Variants in ZNF236 observed in about 807,000 individuals in gnomAD.
ZNF236 encodes zinc finger protein 236.
A neutral mutation model predicts 191.2 loss-of-function variants in ZNF236; 50 were observed. The observed-to-expected ratio is 0.26, with a 90% CI of 0.21 to 0.33. ZNF236 has a LOEUF of 0.33. Ranked by LOEUF, ZNF236 falls within the 10% of genes least tolerant of loss-of-function variation. The pLI, the probability that ZNF236 is intolerant of heterozygous loss-of-function variation, is 1.00. For synonymous variants in ZNF236, 907 were observed against 928.8 expected (o/e 0.98, Z 0.43); for missense variants, 1,754 against 2,374.5 (o/e 0.74, Z 5.43).
intron 9 of ZNF236, among the ~76,000 whole-genome samples, chr18:76,893,533 G>A (rs1480264456): frequency 6.6e-6 from 1 of 151,256 alleles, no homozygotes; most frequent in Non-Finnish European, 1.5e-5. Flanking sequence ...TTTGAGACAG[G>A]GTCTGGCTCT....
Position 76,875,355 on chromosome 18 carries a change from T to C in ZNF236, c.668-137T>C, listed in dbSNP as rs1976683805. 1.4e-6 allele frequency: 1 copy of C among 709,698 alleles called. No individual in the cohort carries two copies. Among genetic ancestry groups the C allele is most frequent in the Non-Finnish European group, 2.1e-6 (1 of 484,512 alleles). 44.0% of individuals were successfully genotyped at this position (709,698 alleles called of 1,614,324 possible). ...TTTTGAGATTTAAAGTAGACACTTG[T>C]ATATATGCATCTAGAGTTCTGGGGA... On this transcript the variant is annotated intron_variant, in intron 5 of 30. Transcript: ENST00000320610. This position sits in a 1 kb window ranked among gnomAD's most constrained non-coding sequence, Gnocchi z 4.3.
At chr18:76,961,370 TGTG>T (rs1968663296) in intron 30 of ZNF236, among the ~76,000 whole-genome samples, 2 of 2,360 alleles carry the variant, frequency 8.5e-4, no homozygotes, top group African/African-American at 1.9e-3. Context: ...TATTCCATTG[TGTG>T]TGTGTGTGTG....
intron 27 of ZNF236, among the ~76,000 whole-genome samples, chr18:76,954,075 A>G (rs1255702739): frequency 3.3e-5 from 5 of 152,230 alleles, no homozygotes. Flanking sequence ...CCTTTGGGCA[A>G]GTATGATTTT....
chr18:76,959,600 G>A (rs1968610776), intron 28 of ZNF236, 87 bp from the exon 29 acceptor site: 1 of 1,478,700 alleles, frequency 6.8e-7, no homozygotes, highest in Non-Finnish European at 9.0e-7. Flanking sequence ...CCACTGACTT[G>A]AACTTTGCAG....
chr18:76,868,184 G>A (rs1345328934), intron 3 of ZNF236, among the ~76,000 whole-genome samples: 3 of 152,150 alleles, frequency 2.0e-5, no homozygotes, highest in Admixed American at 2.0e-4. Context: ...AGTCAGCCGG[G>A]CCACAGCCTG....
chr18:76,829,550 C>G (rs1257770039), intron 1 of ZNF236, among the ~76,000 whole-genome samples: 2 of 152,130 alleles, frequency 1.3e-5, no homozygotes, highest in Admixed American at 6.6e-5. Context: ...CTGGTCTCAA[C>G]TTCCTGGACT....
At chr18:76,838,740 G>A (rs1164324311) in intron 1 of ZNF236, among the ~76,000 whole-genome samples, 3 of 152,146 alleles carry the variant, frequency 2.0e-5, no homozygotes, top group Admixed American at 6.5e-5. Context: ...AAACTATATT[G>A]ATATATAACA....
In ZNF236 at chr18:76,858,196, TATATC is replaced by T. The variant is rs1332038882; in HGVS notation, c.363+6260_363+6264del. ...GCAGTTTTTAAAAAAAAATCACCCTTATATCATTTATTCGTTTTCATAGTATGTAG... is the reference window on the plus strand; with the variant it reads ...GCAGTTTTTAAAAAAAAATCACCCTTATTTATTCGTTTTCATAGTATGTAG... On this transcript the variant is annotated intron_variant, in intron 3 of 30. Transcript: ENST00000320610. Among the ~76,000 whole-genome samples, 9 of 151,970 alleles carry T rather than the reference TATATC, an allele frequency of 5.9e-5. No homozygotes were observed. In the East Asian group the frequency reaches 1.7e-3, roughly 29 times the overall value.
intron 21 of ZNF236, among the ~76,000 whole-genome samples, chr18:76,924,982 A>G (rs1184888843): frequency 2.0e-5 from 3 of 152,248 alleles, no homozygotes; most frequent in African/African-American, 7.2e-5. Context: ...TGCTAAATTC[A>G]AATTGTAAAC....
chr18:76,927,261 C>G lies in ZNF236; in HGVS notation c.4174-16C>G, dbSNP rs750341600. 2 of 1,613,758 alleles carry G rather than the reference C, an allele frequency of 1.2e-6. No individual in the cohort carries two copies. The highest frequency in any genetic ancestry group is 8.5e-7 in the Non-Finnish European group (1 of 1,179,698). On this transcript the variant is annotated splice_polypyrimidine_tract_variant and intron_variant, in intron 23 of 30. Coordinates refer to ENST00000320610, the MANE Select transcript of ZNF236 (RefSeq NM_001306089.2). This position sits in a 1 kb window ranked among gnomAD's most constrained non-coding sequence, Gnocchi z 5.4. ...AGCATGAAGTTTTCATTACAAGTAC[C>G]TGTGCTGCTTTTCAGATTGATCCAA...
At chr18:76,949,544 A>G (rs550469814) in intron 27 of ZNF236, among the ~76,000 whole-genome samples, 3 of 152,320 alleles carry the variant, frequency 2.0e-5, no homozygotes, top group East Asian at 3.9e-4. Context: ...GAGCACTGCA[A>G]TAAAGCGATT....
In ZNF236 at chr18:76,912,277, G is replaced by C; in HGVS notation, c.2839G>C (p.Glu947Gln). Reference protein sequence around the residue: ...TRLIQESSQEELDLQAQGSQF... With the variant: ...TRLIQESSQEQLDLQAQGSQF... ...CTTGATTCAGGAGTCATCCCAAGAG[G>C]AACTGGACCTGCAGGCACAAGGTTC... The change falls in exon 17 of 31, where the codon GAA (glutamate) becomes CAA (glutamine). Residue 947 changes from glutamate to glutamine, a missense_variant. Glu to Gln is a conservative substitution (Grantham distance 29). Transcript: ENST00000320610. The C allele has an allele frequency of 6.2e-7, 1 of 1,614,176 alleles. No individual in the cohort carries two copies. Among genetic ancestry groups the C allele is most frequent in the South Asian group, 1.1e-5 (1 of 91,082 alleles).
rs79597419 is a variant in ZNF236 at position 76,942,235 on chromosome 18, A to G, written c.4782+4892A>G. Among the ~76,000 whole-genome samples the G allele has an allele frequency of 7.7e-3, 1,172 of 152,332 alleles. 45 individuals carry two copies. In the East Asian group the frequency reaches 0.084, roughly 11 times the overall value. ...ACTAATAGCACGGGGAAGAGATCCA[A>G]TGTGAAGAAATCAAGTTGTTCAGCA... On this transcript the variant is annotated intron_variant, in intron 26 of 30. Coordinates refer to ENST00000320610, the MANE Select transcript of ZNF236 (RefSeq NM_001306089.2).
chr18:76,842,891 T>G (rs1975553234), intron 1 of ZNF236, among the ~76,000 whole-genome samples: 1 of 152,198 alleles, frequency 6.6e-6, no homozygotes, highest in African/African-American at 2.4e-5. Context: ...AATAGATAAT[T>G]GGTAAAATTC....
At chr18:76,928,878 A>G (rs1030091422) in intron 25 of ZNF236, among the ~76,000 whole-genome samples, 1 of 151,796 alleles carries the variant, frequency 6.6e-6, no homozygotes, top group Admixed American at 6.6e-5. Flanking sequence ...TGTGCTTGAT[A>G]TTATTCTAGT....
intron 30 of ZNF236, among the ~76,000 whole-genome samples, chr18:76,961,911 G>C (rs1287865878): frequency 6.6e-6 from 1 of 151,150 alleles, no homozygotes; most frequent in African/African-American, 2.5e-5. Context: ...TTTTTGATGG[G>C]ATTGTTTGTT....
At chr18:76,931,954 T>G (rs1159252894) in intron 25 of ZNF236, among the ~76,000 whole-genome samples, 1 of 152,252 alleles carries the variant, frequency 6.6e-6, no homozygotes, top group African/African-American at 2.4e-5. Context: ...TGCTTCATTC[T>G]TAATTGAAAC....
At chr18:76,948,638 A>G (rs1334010061) in intron 27 of ZNF236, among the ~76,000 whole-genome samples, 1 of 152,218 alleles carries the variant, frequency 6.6e-6, no homozygotes, top group Non-Finnish European at 1.5e-5. Flanking sequence ...TGTCTGCTCC[A>G]GTGAGGTCAC....
In ZNF236 at chr18:76,927,264, T is replaced by C. The variant is rs909807355; in HGVS notation, c.4174-13T>C. On this transcript the variant is annotated splice_polypyrimidine_tract_variant and intron_variant, in intron 23 of 30. Coordinates refer to ENST00000320610, the MANE Select transcript of ZNF236 (RefSeq NM_001306089.2). This position sits in a 1 kb window ranked among gnomAD's most constrained non-coding sequence, Gnocchi z 5.4. The stretch of plus-strand genomic sequence containing the variant: ...ATGAAGTTTTCATTACAAGTACCTG[T>C]GCTGCTTTTCAGATTGATCCAAGCA... The C allele has an allele frequency of 1.9e-6, 3 of 1,613,912 alleles. No homozygotes were observed. Among genetic ancestry groups the C allele is most frequent in the Non-Finnish European group, 2.5e-6 (3 of 1,179,792 alleles).
Sources: allele counts gnomAD v4.1 joint callset (sites outside exome capture counted in the v4.1 genomes callset), GRCh38; gene constraint gnomAD v4.1.1; non-coding constraint Gnocchi (gnomAD v3.1); transcripts MANE v1.5; gene names NCBI Gene and HGNC (gene_info 2026-07-23, HGNC 2026-07-21).